CYSLTR2: variants seen among roughly 807,000 people sequenced by gnomAD.
CYSLTR2 encodes cysteinyl leukotriene receptor 2.
For synonymous variants in CYSLTR2, 179 were observed against 160.8 expected (o/e 1.11, Z -0.86); for missense variants, 398 against 411.9 (o/e 0.97, Z 0.29).
At chr13:48,673,458 T>TG (rs1491384225) in intron 1 of CYSLTR2, among the ~76,000 whole-genome samples, 1 of 121,950 alleles carries the variant, frequency 8.2e-6, no homozygotes, top group East Asian at 2.3e-4. Flanking sequence ...TTTTTTTTTT[T>TG]GCTTTCCATT....
In CYSLTR2 at chr13:48,706,822, A is replaced by G. The variant is rs1331069467; in HGVS notation, c.5A>G (p.Glu2Gly). Residue 2 changes from glutamate (E) to glycine (G), a missense_variant, in exon 5 of 5, where the codon GAG (glutamate) becomes GGG (glycine). Glu to Gly is a moderately conservative substitution (Grantham distance 98). Transcript: ENST00000682523. The part of the protein sequence containing the change: M[E>G]RKFMSLQPSI... ...TCTGTTTCTTTTTAACCCAGCATGG[A>G]GAGAAAATTTATGTCCTTGCAACCA... 1 of 1,606,788 alleles carries G rather than the reference A, an allele frequency of 6.2e-7. No homozygotes were observed. The highest frequency in any genetic ancestry group is 1.7e-5 in the Admixed American group (1 of 58,930).
intron 1 of CYSLTR2, among the ~76,000 whole-genome samples, chr13:48,674,498 G>C (rs543518688): frequency 6.6e-5 from 10 of 152,208 alleles, no homozygotes; most frequent in African/African-American, 2.4e-4. Context: ...CTCTAAACTG[G>C]TTATTCTAGT....
In CYSLTR2 at chr13:48,710,284, A is replaced by G. The variant is rs886260776; in HGVS notation, c.*2426A>G. ...GAGTAGCATGTTGAAATCTCGCACT[A>G]TCACCCTCCACCCATGTTCTGGGCA... On this transcript the variant is annotated 3_prime_UTR_variant, in exon 5 of 5. Transcript: ENST00000682523. 5.3e-5 allele frequency: 8 copies of G among 152,182 alleles called. No individual in the cohort carries two copies. Among genetic ancestry groups the G allele is most frequent in the Non-Finnish European group, 1.2e-4 (8 of 68,034 alleles). 9.4% of individuals were successfully genotyped at this position (152,182 alleles called of 1,614,324 possible).
intron 4 of CYSLTR2, among the ~76,000 whole-genome samples, chr13:48,697,706 T>C (rs931166932): frequency 2.0e-5 from 3 of 152,056 alleles, no homozygotes; most frequent in East Asian, 3.8e-4. Context: ...CCATTGGTAA[T>C]AACAAACTTC....
intron 1 of CYSLTR2, among the ~76,000 whole-genome samples, chr13:48,685,536 T>C (rs1953874471): frequency 6.6e-6 from 1 of 152,222 alleles, no homozygotes; most frequent in Non-Finnish European, 1.5e-5. Flanking sequence ...TGTGATACTT[T>C]GTTAAGATAG....
chr13:48,685,015 C>T (rs1235689299), intron 1 of CYSLTR2, among the ~76,000 whole-genome samples: 1 of 152,156 alleles, frequency 6.6e-6, no homozygotes, highest in Non-Finnish European at 1.5e-5. Flanking sequence ...TCGAAGGAAG[C>T]ACAGCCCTGC....
chr13:48,694,087 A>G (rs1298564087), intron 3 of CYSLTR2, among the ~76,000 whole-genome samples: 2 of 152,188 alleles, frequency 1.3e-5, no homozygotes, highest in Non-Finnish European at 2.9e-5. Flanking sequence ...AATGGTCTGT[A>G]AGGGTGGCAC....
intron 1 of CYSLTR2, among the ~76,000 whole-genome samples, chr13:48,685,982 A>C (rs961059493): frequency 6.6e-6 from 1 of 152,208 alleles, no homozygotes; most frequent in Non-Finnish European, 1.5e-5. Context: ...AGAGCTTGCC[A>C]TGTTTCTCAG....
chr13:48,674,134 T>A (rs1953530608), intron 1 of CYSLTR2, among the ~76,000 whole-genome samples: 1 of 152,126 alleles, frequency 6.6e-6, no homozygotes, highest in Non-Finnish European at 1.5e-5. Context: ...ATCTTAGTGG[T>A]GTTCTCTGTA....
At chr13:48,700,686 G>T (rs185994587) in intron 4 of CYSLTR2, among the ~76,000 whole-genome samples, 1 of 152,264 alleles carries the variant, frequency 6.6e-6, no homozygotes, top group East Asian at 1.9e-4. Flanking sequence ...GCAAGAGAAA[G>T]AAATAAAGGG....
At chr13:48,678,286 G>A (rs1249769181) in intron 1 of CYSLTR2, among the ~76,000 whole-genome samples, 1 of 152,028 alleles carries the variant, frequency 6.6e-6, no homozygotes, top group Non-Finnish European at 1.5e-5. Context: ...TGGAATTACA[G>A]GCATGACCAC....
At chr13:48,685,543 A>G (rs1424982118) in intron 1 of CYSLTR2, among the ~76,000 whole-genome samples, 1 of 152,204 alleles carries the variant, frequency 6.6e-6, no homozygotes, top group Non-Finnish European at 1.5e-5. Context: ...CTTTGTTAAG[A>G]TAGCCCTAGG....
In CYSLTR2 at chr13:48,709,337, G is replaced by A. The variant is rs1954582340; in HGVS notation, c.*1479G>A. 6.0e-6 allele frequency: 1 copy of A among 167,008 alleles called. No individual in the cohort carries two copies. Among genetic ancestry groups the A allele is most frequent in the Admixed American group, 6.6e-5 (1 of 15,254 alleles). The allele number at this position is 167,008 out of a possible 1,614,324, so 10.3% of individuals were successfully genotyped here. On this transcript the variant is annotated 3_prime_UTR_variant, in exon 5 of 5. Coordinates refer to ENST00000682523, the MANE Select transcript of CYSLTR2 (RefSeq NM_001308476.3). ...GATATGGCATTCTGAAAGTAGGGAG[G>A]GACTAAGTCAGTCATCATACTAAAC...
intron 1 of CYSLTR2, among the ~76,000 whole-genome samples, chr13:48,660,204 A>G (rs1953094154): frequency 6.6e-6 from 1 of 152,164 alleles, no homozygotes; most frequent in Non-Finnish European, 1.5e-5. Flanking sequence ...GTAATGCTGT[A>G]CATCTTGTTC....
chr13:48,691,323 T>C (rs1954033030), intron 2 of CYSLTR2, 22 bp downstream of exon 2: 3 of 152,118 alleles, frequency 2.0e-5, no homozygotes, highest in African/African-American at 7.2e-5. Flanking sequence ...TCAGCTTCTT[T>C]TTCTACAGAT....
intron 1 of CYSLTR2, among the ~76,000 whole-genome samples, chr13:48,661,283 C>T (rs577606993): frequency 6.1e-4 from 93 of 151,946 alleles, no homozygotes; most frequent in Non-Finnish European, 9.7e-4. Context: ...AAGGAGCTGA[C>T]GCCGAGGGAG....
intron 4 of CYSLTR2, among the ~76,000 whole-genome samples, chr13:48,704,064 G>A (rs1024368193): frequency 5.9e-5 from 9 of 152,084 alleles, no homozygotes; most frequent in African/African-American, 1.9e-4. Flanking sequence ...GGTATCTATC[G>A]ATAGTGTTAT....
Position 48,655,374 on chromosome 13 carries a change from C to T in CYSLTR2, c.-266+1357C>T, listed in dbSNP as rs572541269. On this transcript the variant is annotated intron_variant, in intron 1 of 4. Coordinates refer to ENST00000682523, the MANE Select transcript of CYSLTR2 (RefSeq NM_001308476.3). Reference sequence around the variant, plus strand: ...GGATTTGGAGGCAGAAGGTGGCTCACTCTGGCTTTCAGGAGCCACATAGAC... The same window carrying T: ...GGATTTGGAGGCAGAAGGTGGCTCATTCTGGCTTTCAGGAGCCACATAGAC... Among the ~76,000 whole-genome samples, 3 of 152,356 alleles carry T rather than the reference C, an allele frequency of 2.0e-5. No homozygotes were observed. In the East Asian group the frequency reaches 5.8e-4, roughly 29 times the overall value.
intron 1 of CYSLTR2, among the ~76,000 whole-genome samples, chr13:48,680,530 G>T (rs1009815972): frequency 2.0e-5 from 3 of 152,226 alleles, no homozygotes; most frequent in African/African-American, 7.2e-5. Flanking sequence ...TCCCTTCTTT[G>T]TTGTTTAATT....
Sources: allele counts gnomAD v4.1 joint callset (sites outside exome capture counted in the v4.1 genomes callset), GRCh38; gene constraint gnomAD v4.1.1; transcripts MANE v1.5; gene names NCBI Gene and HGNC (gene_info 2026-07-23, HGNC 2026-07-21).